Variants in ACTR3C observed in about 807,000 individuals in gnomAD.
ACTR3C encodes the protein actin-related protein 3C.
ACTR3C carries 18 observed loss-of-function variants against 26.3 expected under a neutral mutation model. The ratio of observed to expected loss-of-function variants is 0.68; its 90% confidence interval spans 0.47 to 1.01. The LOEUF is 1.01. ACTR3C is among the 50% of genes least tolerant of loss of function. ACTR3C has a pLI of 0.00. For synonymous variants in ACTR3C, 55 were observed against 94.5 expected, an observed-to-expected ratio of 0.58 and a Z score of 2.42; for missense variants, 184 against 250.7, an observed-to-expected ratio of 0.73 and a Z score of 1.80.
At chr7:150,290,189 A>G (rs1836126281) in intron 3 of ACTR3C, among the ~76,000 whole-genome samples, 1 of 151,944 alleles carries the variant, frequency 6.6e-6, no homozygotes, top group Non-Finnish European at 1.5e-5. Flanking sequence ...AGCACACAGC[A>G]CTGGTTTTGG....
At chr7:150,035,885 G>A in the ACTR3C span, among the ~76,000 whole-genome samples, 4 of 135,472 alleles carry the variant, frequency 3.0e-5, no homozygotes, top group Admixed American at 1.4e-4. Flanking sequence ...GGGCGGAAGA[G>A]GGGATAGCTC....
chr7:150,148,690 T>A, the ACTR3C span, among the ~76,000 whole-genome samples: 1 of 152,142 alleles, frequency 6.6e-6, no homozygotes, highest in Non-Finnish European at 1.5e-5. Context: ...CGATATATCT[T>A]GCAAACTAAT....
the ACTR3C span, among the ~76,000 whole-genome samples, chr7:150,171,371 G>A: frequency 0.13 from 20,020 of 149,300 alleles, 2,343 homozygotes; most frequent in African/African-American, 0.3. Context: ...TAAATAATCT[G>A]TATTTCAAAG....
chr7:150,103,612 T>C, the ACTR3C span, among the ~76,000 whole-genome samples: 11 of 151,882 alleles, frequency 7.2e-5, no homozygotes, highest in African/African-American at 2.4e-4. Flanking sequence ...TCAGACATCC[T>C]GAAGTAGTCA....
chr7:150,216,950 C>T, the ACTR3C span, among the ~76,000 whole-genome samples: 2 of 142,636 alleles, frequency 1.4e-5, no homozygotes, highest in East Asian at 4.0e-4. Context: ...CATGCCACTG[C>T]ACTCTAGCCT....
At chr7:150,091,838 A>C in the ACTR3C span, among the ~76,000 whole-genome samples, 1 of 150,312 alleles carries the variant, frequency 6.7e-6, no homozygotes, top group Non-Finnish European at 1.5e-5. Context: ...AAAAAAAAAA[A>C]TTAGCCGGGC....
At chr7:149,933,075 C>T in the ACTR3C span, among the ~76,000 whole-genome samples, 39,928 of 99,890 alleles carry the variant, frequency 0.4, 9,411 homozygotes, top group Non-Finnish European at 0.53. Flanking sequence ...AGGAAGAAGG[C>T]GTGCCCTGTA....
At chr7:149,961,518 TAG>T in the ACTR3C span, among the ~76,000 whole-genome samples, 1 of 150,056 alleles carries the variant, frequency 6.7e-6, no homozygotes, top group Non-Finnish European at 1.5e-5. Context: ...AGTGCACAGA[TAG>T]GAAGTGTGGC....
chr7:150,294,042 T>C (rs1836522967), intron 2 of ACTR3C, among the ~76,000 whole-genome samples: 1 of 152,186 alleles, frequency 6.6e-6, no homozygotes, highest in South Asian at 2.1e-4. Context: ...TCTACTTCAT[T>C]GGTTTCCGGC....
rs138797295 is a variant in ACTR3C at position 150,291,470 on chromosome 7, A to C, written c.153+1842T>G. On this transcript the variant is annotated intron_variant, in intron 3 of 7. Coordinates refer to ENST00000683684, the MANE Select transcript of ACTR3C (RefSeq NM_001164458.2). ...AGAGCTTAAAGACTATACGGCTAAA[A>C]GTATAATACAGGTCTTTGGGCGGCT... is the stretch of plus-strand genomic sequence containing the variant. Among the ~76,000 whole-genome samples, 1,284 of 152,370 alleles carry C rather than the reference A, an allele frequency of 8.4e-3. 18 individuals are homozygous for C. Among genetic ancestry groups the C allele is most frequent in the African/African-American group, 0.029 (1,226 of 41,580 alleles).
At chr7:150,227,687 G>GGTGTTTTTTTTT in the ACTR3C span, among the ~76,000 whole-genome samples, 1 of 131,916 alleles carries the variant, frequency 7.6e-6, no homozygotes, top group East Asian at 2.3e-4. Context: ...TTTGTGTCTG[G>GGTGTTTTTTTTT]GTTTTTTTTT....
chr7:149,936,869 G>A, the ACTR3C span, among the ~76,000 whole-genome samples: 21 of 151,652 alleles, frequency 1.4e-4, no homozygotes, highest in African/African-American at 4.4e-4. Flanking sequence ...GCTCACTGCC[G>A]CCTTGACCCT....
At chr7:149,993,696 G>A in the ACTR3C span, among the ~76,000 whole-genome samples, 2,114 of 152,156 alleles carry the variant, frequency 0.014, 64 homozygotes, top group African/African-American at 0.048. Context: ...CCCCATTGGA[G>A]CAATAAGTAT....
At chr7:149,943,309 T>G in the ACTR3C span, among the ~76,000 whole-genome samples, 1 of 150,684 alleles carries the variant, frequency 6.6e-6, no homozygotes, top group African/African-American at 2.5e-5. Context: ...GCACTTACTG[T>G]GGTCAGAAAA....
chr7:150,140,626 C>T, the ACTR3C span, among the ~76,000 whole-genome samples: 1 of 152,124 alleles, frequency 6.6e-6, no homozygotes, highest in East Asian at 1.9e-4. Flanking sequence ...GATCACACAC[C>T]TCATTTGCTT....
the ACTR3C span, among the ~76,000 whole-genome samples, chr7:149,979,514 C>G: frequency 6.6e-6 from 1 of 151,764 alleles, no homozygotes; most frequent in Admixed American, 6.5e-5. Context: ...TTAAAAGAAT[C>G]TCTAATTAAA....
chr7:150,140,646 C>T, the ACTR3C span, among the ~76,000 whole-genome samples: 1 of 152,088 alleles, frequency 6.6e-6, no homozygotes, highest in South Asian at 2.1e-4. Flanking sequence ...TGATTTGGCT[C>T]CAAATGGTTT....
the ACTR3C span, among the ~76,000 whole-genome samples, chr7:149,996,547 G>A: frequency 6.6e-6 from 1 of 151,074 alleles, no homozygotes. Flanking sequence ...TGTTCTAAGG[G>A]ACTTTCAGTT....
At chr7:150,051,263 GTT>G in the ACTR3C span, among the ~76,000 whole-genome samples, 7 of 152,096 alleles carry the variant, frequency 4.6e-5, no homozygotes, top group East Asian at 1.4e-3. Flanking sequence ...TGGTTAGTAT[GTT>G]AGAATAAGTG....
Sources: allele counts gnomAD v4.1 joint callset (sites outside exome capture counted in the v4.1 genomes callset), GRCh38; gene constraint gnomAD v4.1.1; transcripts MANE v1.5; gene names NCBI Gene and HGNC (gene_info 2026-07-23, HGNC 2026-07-21).